FRMD4A: variants seen among roughly 807,000 people sequenced by gnomAD.
FRMD4A encodes the protein FERM domain-containing protein 4A.
Under a neutral mutation model 129.1 loss-of-function variants are expected in FRMD4A, and 29 were observed. The observed-to-expected ratio is 0.22, with a 90% CI of 0.17 to 0.31. The LOEUF is 0.31. Ranked by LOEUF, FRMD4A falls within the 10% of genes least tolerant of loss-of-function variation. The pLI, the probability that FRMD4A is intolerant of heterozygous loss-of-function variation, is 1.00. For synonymous variants in FRMD4A, 634 were observed against 571.6 expected, an observed-to-expected ratio of 1.11 and a Z score of -1.56; for missense variants, 1,272 against 1,375.8, an observed-to-expected ratio of 0.92 and a Z score of 1.19.
chr10:14,079,534 TA>T (rs1835806819), intron 2 of FRMD4A, among the ~76,000 whole-genome samples: 1 of 152,224 alleles, frequency 6.6e-6, no homozygotes, highest in Non-Finnish European at 1.5e-5. Flanking sequence ...AATGTACTAA[TA>T]ATCAAGCCCC....
chr10:14,146,368 T>C (rs1240126463), intron 2 of FRMD4A, among the ~76,000 whole-genome samples: 1 of 152,144 alleles, frequency 6.6e-6, no homozygotes, highest in African/African-American at 2.4e-5. Flanking sequence ...TTCAGAAACA[T>C]TAAAATAGGA....
At chr10:13,955,625 T>G (rs1238932184) in intron 2 of FRMD4A, among the ~76,000 whole-genome samples, 1 of 152,162 alleles carries the variant, frequency 6.6e-6, no homozygotes, top group Non-Finnish European at 1.5e-5. Context: ...GGGCTACAGT[T>G]CCCTCCTTAA....
chr10:13,897,174 C>T (rs2094768320), intron 2 of FRMD4A, among the ~76,000 whole-genome samples: 1 of 152,198 alleles, frequency 6.6e-6, no homozygotes, highest in African/African-American at 2.4e-5. Context: ...CTTCCATTTT[C>T]AGCTTGAGTT....
At chr10:14,152,632 T>C (rs1233721899) in intron 2 of FRMD4A, among the ~76,000 whole-genome samples, 5 of 149,808 alleles carry the variant, frequency 3.3e-5, no homozygotes, top group Non-Finnish European at 1.5e-5. Context: ...AGGCCGGGAG[T>C]TCAAAACAAG....
intron 11 of FRMD4A, 24 bp downstream of exon 11, chr10:13,740,170 C>T (rs1456097901): frequency 7.7e-6 from 11 of 1,428,146 alleles, no homozygotes; most frequent in Non-Finnish European, 9.9e-6. Flanking sequence ...GGTTTGGTAA[C>T]CTTCACCAAA....
intron 17 of FRMD4A, chr10:13,667,443 G>A (rs990524744): frequency 6.6e-6 from 1 of 151,314 alleles, no homozygotes; most frequent in African/African-American, 2.4e-5. Context: ...GGATGGATGA[G>A]ATTCTCCTCA....
intron 2 of FRMD4A, among the ~76,000 whole-genome samples, chr10:14,212,950 G>C (rs1842972494): frequency 6.6e-6 from 1 of 152,204 alleles, no homozygotes. Flanking sequence ...CAGAAATGTA[G>C]GATAGGTCAG....
Position 14,296,845 on chromosome 10 carries a change from C to A in FRMD4A, c.45+33213G>T, listed in dbSNP as rs139992826. Among the ~76,000 whole-genome samples, 135 of 152,272 alleles carry A rather than the reference C, an allele frequency of 8.9e-4. 1 individual carries two copies. The highest frequency in any genetic ancestry group is 3.1e-3 in the African/African-American group (127 of 41,556). ...AAAGGGAAATGAAGCGCATACAACT[C>A]CCTTTCCCCCCAGTTCTCATCCTGT... is the stretch of plus-strand genomic sequence containing the variant. On this transcript the variant is annotated intron_variant, in intron 2 of 24. Coordinates refer to ENST00000357447, the MANE Select transcript of FRMD4A (RefSeq NM_018027.5).
At chr10:13,937,263 A>T (rs1279928969) in intron 2 of FRMD4A, among the ~76,000 whole-genome samples, 1 of 151,998 alleles carries the variant, frequency 6.6e-6, no homozygotes, top group Non-Finnish European at 1.5e-5. Flanking sequence ...GAAGGATCTC[A>T]CTCTCTGATT....
chr10:14,024,102 C>A (rs575138187), intron 2 of FRMD4A, among the ~76,000 whole-genome samples: 80 of 152,334 alleles, frequency 5.3e-4, no homozygotes, highest in African/African-American at 1.9e-3. Flanking sequence ...ATTCAGATTT[C>A]TGCAAGTGAC....
In FRMD4A at chr10:13,925,566, C is replaced by CTTTTTTTTTTTTTTTT. The variant is rs66980805; in HGVS notation, c.46-66670_46-66655dup. ...TGAAAGTTTCTATTGTAGTGAAACG[C>CTTTTTTTTTTTTTTTT]TTTTTTTTTTTTTTTTTTTTTTTTT... On this transcript the variant is annotated intron_variant, in intron 2 of 24. Coordinates refer to ENST00000357447, the MANE Select transcript of FRMD4A (RefSeq NM_018027.5). Among the ~76,000 whole-genome samples the CTTTTTTTTTTTTTTTT allele has an allele frequency of 9.8e-4, 61 of 61,946 alleles. 12 individuals carry two copies. Among genetic ancestry groups the CTTTTTTTTTTTTTTTT allele is most frequent in the South Asian group, 3.6e-3 (4 of 1,100 alleles). The allele number at this position is 61,946 out of a possible 152,430, so 40.6% of individuals were successfully genotyped here.
intron 2 of FRMD4A, among the ~76,000 whole-genome samples, chr10:14,134,563 G>A (rs539018083): frequency 3.3e-5 from 5 of 151,584 alleles, no homozygotes; most frequent in Admixed American, 3.3e-4. Flanking sequence ...AAAATGGGTG[G>A]ATGGATGGGT....
chr10:13,999,321 A>T (rs750710887), intron 2 of FRMD4A, among the ~76,000 whole-genome samples: 7 of 152,180 alleles, frequency 4.6e-5, no homozygotes, highest in Non-Finnish European at 1.5e-5. Context: ...TTGGGCCTAG[A>T]ACACTGTCTG....
intron 2 of FRMD4A, among the ~76,000 whole-genome samples, chr10:13,944,490 A>T (rs1374709049): frequency 1.3e-5 from 2 of 152,128 alleles, no homozygotes; most frequent in Non-Finnish European, 2.9e-5. Context: ...ATGTAATAAT[A>T]ATAGAAATAA....
chr10:13,922,261 ATCTG>A (rs1288072165), intron 2 of FRMD4A, among the ~76,000 whole-genome samples: 1 of 151,802 alleles, frequency 6.6e-6, no homozygotes, highest in African/African-American at 2.4e-5. Flanking sequence ...GTGACAATTC[ATCTG>A]TCTATCCCTT....
At chr10:13,947,127 A>C (rs775557937) in intron 2 of FRMD4A, among the ~76,000 whole-genome samples, 4 of 152,196 alleles carry the variant, frequency 2.6e-5, no homozygotes, top group Admixed American at 6.5e-5. Flanking sequence ...ATTAGCCTGC[A>C]GCCTTCCAGG....
intron 2 of FRMD4A, among the ~76,000 whole-genome samples, chr10:14,164,650 G>A (rs577008201): frequency 6.6e-6 from 1 of 152,214 alleles, no homozygotes; most frequent in Non-Finnish European, 1.5e-5. Flanking sequence ...GCCAGTGAAT[G>A]GTAGGTTCAA....
intron 15 of FRMD4A, among the ~76,000 whole-genome samples, chr10:13,688,292 G>A (rs1454063653): frequency 6.6e-6 from 1 of 151,996 alleles, no homozygotes; most frequent in Non-Finnish European, 1.5e-5. Context: ...ACTATAGCAA[G>A]CACAAAAAAC....
chr10:13,874,705 G>C (rs1010237720), intron 2 of FRMD4A, among the ~76,000 whole-genome samples: 1 of 152,160 alleles, frequency 6.6e-6, no homozygotes, highest in African/African-American at 2.4e-5. Context: ...CAGATCCTTG[G>C]ACTCTGTCAT....
Sources: allele counts gnomAD v4.1 joint callset (sites outside exome capture counted in the v4.1 genomes callset), GRCh38; gene constraint gnomAD v4.1.1; transcripts MANE v1.5; gene names NCBI Gene and HGNC (gene_info 2026-07-23, HGNC 2026-07-21).